RNF128: variants seen among roughly 807,000 people sequenced by gnomAD.
RNF128 encodes the protein ring finger protein 128, also known as E3 ubiquitin-protein ligase RNF128.
RNF128 carries 13 observed loss-of-function variants against 26.2 expected under a neutral mutation model. The observed-to-expected ratio is 0.50, with a 90% CI of 0.32 to 0.79. RNF128 has a LOEUF of 0.79. RNF128 is among the 30% of genes least tolerant of loss of function. The pLI is 0.03. For missense variants in RNF128, 315 were observed against 349.7 expected (o/e 0.90, Z 0.79); for synonymous variants, 149 against 142.5 (o/e 1.05, Z -0.32).
intron 1 of RNF128, among the ~76,000 whole-genome samples, chrX:106,721,425 T>C (rs987374743): frequency 8.9e-6 from 1 of 111,931 alleles, no homozygotes; most frequent in Non-Finnish European, 1.9e-5. Context: ...ATAGAGTCGG[T>C]GTGATGGGAA....
At chrX:106,751,993 A>T (rs1929898860) in intron 1 of RNF128, among the ~76,000 whole-genome samples, 4 of 110,172 alleles carry the variant, frequency 3.6e-5, no homozygotes, top group African/African-American at 1.3e-4. Context: ...AGTGAAAAGT[A>T]AAAAGGACTT....
At chrX:106,764,295 C>T (rs747477494) in intron 1 of RNF128, among the ~76,000 whole-genome samples, 1 of 111,008 alleles carries the variant, frequency 9.0e-6, no homozygotes, top group Non-Finnish European at 1.9e-5. Flanking sequence ...CATCTGACCA[C>T]AATGGCCCAT....
intron 1 of RNF128, among the ~76,000 whole-genome samples, chrX:106,753,172 T>C (rs1157363044): frequency 9.0e-6 from 1 of 111,376 alleles, no homozygotes; most frequent in Non-Finnish European, 1.9e-5. Flanking sequence ...ACACTGTAGT[T>C]GTGGTGTGTG....
chrX:106,787,566 G>A (rs1488205745), intron 3 of RNF128, among the ~76,000 whole-genome samples: 1 of 110,921 alleles, frequency 9.0e-6, no homozygotes, highest in African/African-American at 3.3e-5. Context: ...TACACTAAAA[G>A]GGTGAATTTT....
At chrX:106,734,860 C>G (rs747680672) in intron 1 of RNF128, among the ~76,000 whole-genome samples, 7 of 112,013 alleles carry the variant, frequency 6.2e-5, no homozygotes, top group Non-Finnish European at 1.1e-4. Context: ...GAAATATTCT[C>G]CTCTTCACTG....
intron 1 of RNF128, among the ~76,000 whole-genome samples, chrX:106,702,464 A>G (rs752688195): frequency 1.8e-5 from 2 of 111,151 alleles, no homozygotes; most frequent in South Asian, 7.6e-4. Flanking sequence ...ACACAGAACA[A>G]TGCCTGAGCC....
At chrX:106,694,539 C>T in intron 1 of RNF128, 1 of 378,322 alleles carries the variant, frequency 2.6e-6, no homozygotes, top group Non-Finnish European at 4.3e-6. Context: ...TTGCCTGGCA[C>T]AACTTGTAAT....
chrX:106,720,047 C>T (rs547277682), intron 1 of RNF128, among the ~76,000 whole-genome samples: 51 of 111,085 alleles, frequency 4.6e-4, no homozygotes, highest in African/African-American at 1.6e-3. Context: ...GGAATCTTCA[C>T]CTTACTGGAA....
intron 4 of RNF128, among the ~76,000 whole-genome samples, chrX:106,788,395 ATT>A (rs770176124): frequency 0.014 from 613 of 44,398 alleles, 17 homozygotes; most frequent in African/African-American, 0.074. Flanking sequence ...TATAATATAT[ATT>A]ATATATAATA....
chrX:106,718,968 T>G lies in RNF128; in HGVS notation c.406+24560T>G, dbSNP rs188990007. ...CAGCTGCCACTAATCCTAATGCATA[T>G]AGTTGGCAGCTGTGAATTTGTGACT... On this transcript the variant is annotated intron_variant, in intron 1 of 6. Coordinates refer to the RNF128 transcript ENST00000324342. Among the ~76,000 whole-genome samples the G allele has an allele frequency of 2.4e-4, 27 of 111,945 alleles. No individual in the cohort carries two copies. In the Admixed American group the frequency reaches 2.5e-3, roughly 10 times the overall value.
intron 1 of RNF128, among the ~76,000 whole-genome samples, chrX:106,707,337 C>A (rs1221041475): frequency 9.0e-6 from 1 of 110,865 alleles, no homozygotes; most frequent in African/African-American, 3.3e-5. Context: ...TCAAACTATG[C>A]CAAAATGTGC....
intron 1 of RNF128, among the ~76,000 whole-genome samples, chrX:106,708,022 GA>G (rs1011373680): frequency 4.5e-5 from 5 of 111,689 alleles, no homozygotes; most frequent in African/African-American, 1.6e-4. Flanking sequence ...ATGAGTGTAT[GA>G]AAATGAATGA....
exon 1 of RNF128, chrX:106,694,270 C>G (rs758328376): frequency 1.7e-6 from 2 of 1,208,836 alleles, no homozygotes; most frequent in Admixed American, 4.4e-5. Context: ...TACTAAGAAG[C>G]CCTGGATTGC....
chrX:106,790,463 C>T (rs760037850), intron 5 of RNF128, among the ~76,000 whole-genome samples, 181 bp downstream of exon 5: 1 of 110,279 alleles, frequency 9.1e-6, no homozygotes. Flanking sequence ...CATTTTCCTT[C>T]TTCCTCCCTC....
chrX:106,785,218 A>G (rs755224835), intron 3 of RNF128, 82 bp downstream of exon 3: 155 of 766,899 alleles, frequency 2.0e-4, no homozygotes, highest in Admixed American at 5.6e-4. Flanking sequence ...CTTCCTAAGT[A>G]TGCTTTTATT....
chrX:106,752,194 T>C (rs1423823285), intron 1 of RNF128, among the ~76,000 whole-genome samples: 1 of 110,382 alleles, frequency 9.1e-6, no homozygotes, highest in Non-Finnish European at 1.9e-5. Context: ...TAAAGAACCC[T>C]TGGGCCTTGA....
At chrX:106,792,043 A>G (rs1286933115) in intron 6 of RNF128, among the ~76,000 whole-genome samples, 5 of 111,357 alleles carry the variant, frequency 4.5e-5, no homozygotes, top group Admixed American at 3.9e-4. Flanking sequence ...TTTGTCCTCT[A>G]TAGGCTTATC....
chrX:106,704,249 T>C (rs768672332), intron 1 of RNF128, among the ~76,000 whole-genome samples: 34 of 109,088 alleles, frequency 3.1e-4, no homozygotes, highest in African/African-American at 7.0e-4. Flanking sequence ...TCCTAGCTAA[T>C]ACGGTGAAAC....
rs1275758799 is a variant in RNF128, at chrX:106,707,943, CTT to C, written c.406+13537_406+13538del. On this transcript the variant is annotated intron_variant, in intron 1 of 6. Transcript: ENST00000324342. ...TACAACACTGACGGAGATCCAGGGA[CTT>C]TGTTTCATTCATCTCAGTATAGCAC... 2.7e-5 allele frequency among the ~76,000 whole-genome samples: 3 copies of C among 111,648 alleles called. No individual in the cohort carries two copies. In the South Asian group the frequency reaches 1.1e-3, roughly 42 times the overall value.
Sources: gnomAD v4.1 joint callset for allele counts (sites outside exome capture counted in the v4.1 genomes callset) on GRCh38, gnomAD v4.1.1 for gene constraint, MANE v1.5 for transcripts, NCBI Gene and HGNC (gene_info 2026-07-23, HGNC 2026-07-21) for gene names.